MTRES1: variants seen among roughly 807,000 people sequenced by gnomAD.
MTRES1 encodes uncharacterized protein C6orf203.
In MTRES1, 11 loss-of-function variants were observed where a neutral mutation model predicts 17.4. The ratio of observed to expected loss-of-function variants is 0.63; its 90% CI spans 0.40 to 1.05. The LOEUF (loss-of-function observed/expected upper bound fraction) is 1.05, where lower values mean the gene tolerates loss of function less well. Ranked by LOEUF, MTRES1 falls within the 50% of genes least tolerant of loss-of-function variation. The probability of loss-of-function intolerance (pLI) is 0.00; values close to 1 mark genes in which losing one functional copy is unlikely to be tolerated. For synonymous variants in MTRES1, 94 were observed against 99.6 expected, an observed-to-expected ratio of 0.94 and a Z score of 0.34; for missense variants, 268 against 276.2, an observed-to-expected ratio of 0.97 and a Z score of 0.21.
intron 3 of MTRES1, among the ~76,000 whole-genome samples, chr6:107,045,772 A>C (rs782653276): frequency 1.3e-5 from 2 of 152,244 alleles, no homozygotes; most frequent in Admixed American, 6.5e-5. Flanking sequence ...AGGTATTGGA[A>C]GACATAATCT....
intron 2 of MTRES1, 72 bp downstream of exon 2, chr6:107,040,302 T>C: frequency 7.3e-7 from 1 of 1,368,918 alleles, no homozygotes; most frequent in Non-Finnish European, 9.9e-7. Context: ...TACAAATCAC[T>C]TGGCCCATAT....
chr6:107,028,208 G>A lies in MTRES1; in HGVS notation c.-76G>A, dbSNP rs1287478597. On this transcript the variant is annotated 5_prime_UTR_variant, in exon 1 of 4. Coordinates refer to ENST00000311381, the MANE Select transcript of MTRES1 (RefSeq NM_016487.5). ...CGGCGGAAGGGGCGGGGCGCAGATA[G>A]GGGTAGCCTGGAGGCCTGCAGTCCG... is the stretch of plus-strand genomic sequence containing the variant. The A allele has an allele frequency of 6.6e-6, 1 of 152,214 alleles. No individual in the cohort carries two copies. The highest frequency in any genetic ancestry group is 2.4e-5 in the African/African-American group (1 of 41,446). The allele number at this position is 152,214 out of a possible 1,614,324, so 9.4% of individuals were successfully genotyped here.
In MTRES1 at chr6:107,048,262, G is replaced by A. The variant is rs71574220; in HGVS notation, c.544-2795G>A. On this transcript the variant is annotated intron_variant, in intron 3 of 3. Coordinates refer to ENST00000311381, the MANE Select transcript of MTRES1 (RefSeq NM_016487.5). ...CGATTCTCTTGCTTCAGCCTCCAGA[G>A]TACCTGGGATTACAGGCACCTACCA... Among the ~76,000 whole-genome samples, 14 of 151,866 alleles carry A rather than the reference G, an allele frequency of 9.2e-5. No individual in the cohort carries two copies. In the South Asian group the frequency reaches 2.7e-3, roughly 29 times the overall value.
intron 1 of MTRES1, among the ~76,000 whole-genome samples, chr6:107,037,849 G>A (rs1774063012): frequency 6.6e-6 from 1 of 152,060 alleles, no homozygotes; most frequent in Admixed American, 6.6e-5. Flanking sequence ...CTCCTGAGTA[G>A]CTGGGATTAT....
intron 3 of MTRES1, among the ~76,000 whole-genome samples, chr6:107,048,072 C>T (rs1483929225): frequency 3.3e-5 from 5 of 152,054 alleles, no homozygotes; most frequent in African/African-American, 7.2e-5. Flanking sequence ...GACCTCATCT[C>T]TTTAAAAATA....
At position 107,039,922 on chromosome 6, in the gene MTRES1, T is replaced by C; in HGVS notation, c.162T>C (p.Asn54=). The C allele has an allele frequency of 6.2e-7, 1 of 1,613,966 alleles. No homozygotes were observed. Among genetic ancestry groups the C allele is most frequent in the Non-Finnish European group, 8.5e-7 (1 of 1,179,828 alleles). ...YFSSTKLRAP[N]YKTLFYNIFS... is the part of the protein sequence containing the mutation. The stretch of plus-strand genomic sequence containing the variant: ...CTAGTACCAAGTTACGTGCACCAAA[T>C]TATAAAACACTTTTTTATAATATTT... The change falls in exon 2 of 4, where the codon AAT becomes AAC. Residue 54 remains asparagine, a synonymous_variant. Coordinates refer to ENST00000311381, the MANE Select transcript of MTRES1 (RefSeq NM_016487.5).
intron 1 of MTRES1, among the ~76,000 whole-genome samples, chr6:107,037,859 T>C (rs1338811062): frequency 2.0e-5 from 3 of 151,994 alleles, no homozygotes; most frequent in African/African-American, 7.2e-5. Flanking sequence ...GCTGGGATTA[T>C]AGGCGTATGC....
intron 1 of MTRES1, chr6:107,030,199 G>T: frequency 2.8e-6 from 2 of 717,870 alleles, no homozygotes; most frequent in South Asian, 1.5e-5. Context: ...GGAAATGGGG[G>T]TTGAGGGAGC....
intron 3 of MTRES1, among the ~76,000 whole-genome samples, chr6:107,049,506 C>T (rs1239934410): frequency 4.7e-5 from 7 of 150,336 alleles, no homozygotes; most frequent in Non-Finnish European, 1.0e-4. Flanking sequence ...CTCCGCCTCC[C>T]GGATTCATGC....
intron 2 of MTRES1, 78 bp from the exon 3 acceptor site, chr6:107,044,182 C>A: frequency 2.0e-6 from 2 of 983,422 alleles, no homozygotes; most frequent in Non-Finnish European, 3.2e-6. Context: ...CGTGGATATA[C>A]TGTATAGTGA....
intron 1 of MTRES1, among the ~76,000 whole-genome samples, chr6:107,031,608 A>T (rs1384540662): frequency 7.0e-6 from 1 of 143,048 alleles, no homozygotes. Context: ...GTGCCCAGCT[A>T]TTTTTTTTTT....
chr6:107,028,604 C>T (rs892794982), intron 1 of MTRES1: 2 of 152,388 alleles, frequency 1.3e-5, no homozygotes, highest in Non-Finnish European at 2.9e-5. Flanking sequence ...CCGACCCTGT[C>T]TCAGCCCACA....
chr6:107,029,543 G>A (rs1554226184), intron 1 of MTRES1, among the ~76,000 whole-genome samples: 1 of 147,978 alleles, frequency 6.8e-6, no homozygotes, highest in East Asian at 2.1e-4. Flanking sequence ...GAATGCACTG[G>A]TGTGAACTCG....
At position 107,044,288 on chromosome 6, in the gene MTRES1, GA is replaced by G; in HGVS notation, c.501del (p.Glu167AspfsTer4). ...NKVEDAFYKG[E>X]LRLNEEKLWK... ...AGTGGAAGATGCTTTCTACAAAGGT[GA>G]ACTCAGGCTGAATGAGGAAAAATTA... On this transcript the variant is annotated frameshift_variant, in exon 3 of 4. Coordinates refer to ENST00000311381, the MANE Select transcript of MTRES1 (RefSeq NM_016487.5). LOFTEE classifies it high-confidence loss of function. 2 of 1,613,924 alleles carry G rather than the reference GA, an allele frequency of 1.2e-6. No homozygotes were observed. Among genetic ancestry groups the G allele is most frequent in the Non-Finnish European group, 8.5e-7 (1 of 1,179,908 alleles).
rs782641981 is a variant in MTRES1 at position 107,044,339 on chromosome 6, TACTA to T, written c.543+10_543+13del. On this transcript the variant is annotated splice_region_variant and intron_variant, in intron 3 of 3. Coordinates refer to ENST00000311381, the MANE Select transcript of MTRES1 (RefSeq NM_016487.5). ...ATGGAAGAAAAGCAGAACGGTGAGA[TACTA>T]ACCTAAAATGACAGCCAGATGTTTT... 11 of 1,608,188 alleles carry T rather than the reference TACTA, an allele frequency of 6.8e-6. No individual in the cohort carries two copies. The East Asian group carries it at 2.2e-4, about 33-fold the overall frequency.
In MTRES1 at chr6:107,044,243, T is replaced by C. The variant is rs1554228124; in HGVS notation, c.471-17T>C. 6.3e-7 allele frequency: 1 copy of C among 1,587,272 alleles called. No homozygotes were observed. On this transcript the variant is annotated splice_polypyrimidine_tract_variant and intron_variant, in intron 2 of 3. Transcript: ENST00000311381. Reference sequence around the variant, plus strand: ...TCACCCAAATTGTGTACATTGTTGCTTTTTTTTGTTTTGTAGCAAAGTGGA... The same window carrying C: ...TCACCCAAATTGTGTACATTGTTGCCTTTTTTTGTTTTGTAGCAAAGTGGA...
chr6:107,031,182 C>A (rs868936303), intron 1 of MTRES1, among the ~76,000 whole-genome samples: 2 of 151,792 alleles, frequency 1.3e-5, no homozygotes, highest in Non-Finnish European at 1.5e-5. Context: ...GATTTCCAGA[C>A]CAGCCTGGCC....
rs115997681 is a variant in MTRES1 at position 107,031,714 on chromosome 6, C to T, written c.-13+3443C>T. Among the ~76,000 whole-genome samples, 255 of 152,170 alleles carry T rather than the reference C, an allele frequency of 1.7e-3. 2 individuals are homozygous for T. The highest frequency in any genetic ancestry group is 5.9e-3 in the African/African-American group (245 of 41,510). Reference sequence around the variant, plus strand: ...CTCCCGGGTTCAAGCGGTTCTCGTGCCTCATCCTACTGAGTAGCTGGGATT... The same window carrying T: ...CTCCCGGGTTCAAGCGGTTCTCGTGTCTCATCCTACTGAGTAGCTGGGATT... On this transcript the variant is annotated intron_variant, in intron 1 of 3. Transcript: ENST00000311381.
Position 107,040,107 on chromosome 6 carries a change from G to C in MTRES1, c.347G>C (p.Ser116Thr). The change falls in exon 2 of 4, where the codon AGT becomes ACT. Residue 116 changes from serine (S) to threonine (T), a missense_variant. Ser to Thr is a moderately conservative substitution (Grantham distance 58). Coordinates refer to ENST00000311381, the MANE Select transcript of MTRES1 (RefSeq NM_016487.5). ...SDEESHHDEMSEQEEELEDDP... is the reference protein window; with the variant it reads ...SDEESHHDEMTEQEEELEDDP... ...GAAGAAAGCCATCATGATGAGATGA[G>C]TGAGCAGGAAGAGGAGCTTGAGGAT... is the stretch of plus-strand genomic sequence containing the variant. 6.2e-7 allele frequency: 1 copy of C among 1,613,838 alleles called. No homozygotes were observed. Among genetic ancestry groups the C allele is most frequent in the Non-Finnish European group, 8.5e-7 (1 of 1,180,020 alleles).
Sources: allele counts gnomAD v4.1 joint callset (sites outside exome capture counted in the v4.1 genomes callset), GRCh38; gene constraint gnomAD v4.1.1; transcripts MANE v1.5; gene names NCBI Gene and HGNC (gene_info 2026-07-23, HGNC 2026-07-21).